COL8A1: variants seen among roughly 807,000 people sequenced by gnomAD.
COL8A1 encodes collagen alpha-1(VIII) chain.
A neutral mutation model predicts 42.7 loss-of-function variants in COL8A1; 21 were observed. The observed-to-expected ratio is 0.49, with a 90% CI of 0.35 to 0.71. The LOEUF (loss-of-function observed/expected upper bound fraction) is 0.71, where lower values mean the gene tolerates loss of function less well. Among genes scored for constraint, COL8A1 ranks in the 30% least tolerant of loss-of-function variants. The probability of loss-of-function intolerance (pLI) is 0.01; values close to 1 mark genes in which losing one functional copy is unlikely to be tolerated. For synonymous variants in COL8A1, 367 were observed against 369.1 expected, an observed-to-expected ratio of 0.99 and a Z score of 0.06; for missense variants, 788 against 962.4, an observed-to-expected ratio of 0.82 and a Z score of 2.40.
chr3:99,716,076 G>A (rs901168678), intron 1 of COL8A1, among the ~76,000 whole-genome samples: 4 of 151,988 alleles, frequency 2.6e-5, no homozygotes, highest in Admixed American at 6.6e-5. Flanking sequence ...CAAACTGATT[G>A]CTATGTGATA....
chr3:99,724,136 C>T (rs1343813650), intron 1 of COL8A1, among the ~76,000 whole-genome samples: 1 of 152,084 alleles, frequency 6.6e-6, no homozygotes. Flanking sequence ...TCTGACATGA[C>T]TGGATGCTCA....
At chr3:99,669,149 AGG>A (rs1182261777) in intron 1 of COL8A1, among the ~76,000 whole-genome samples, 4,297 of 112,564 alleles carry the variant, frequency 0.038, 119 homozygotes, top group East Asian at 0.065. Flanking sequence ...ATATATATAG[AGG>A]GAGAGAGAGA....
intron 3 of COL8A1, among the ~76,000 whole-genome samples, chr3:99,792,876 A>T (rs1375099197): frequency 6.6e-6 from 1 of 152,250 alleles, no homozygotes; most frequent in Admixed American, 6.5e-5. Flanking sequence ...AAATCTACTA[A>T]TTCTAAAGGA....
At chr3:99,658,514 G>C (rs1428335085) in intron 1 of COL8A1, among the ~76,000 whole-genome samples, 1 of 152,060 alleles carries the variant, frequency 6.6e-6, no homozygotes, top group African/African-American at 2.4e-5. Flanking sequence ...TTAACTAACT[G>C]TCTCCATGGC....
chr3:99,648,874 C>T (rs1937743736), intron 1 of COL8A1, among the ~76,000 whole-genome samples: 2 of 152,054 alleles, frequency 1.3e-5, no homozygotes, highest in Non-Finnish European at 1.5e-5. Context: ...ATGAGAGTCA[C>T]CTAGGAAAAT....
chr3:99,725,151 A>G (rs1940268515), intron 1 of COL8A1, among the ~76,000 whole-genome samples: 1 of 152,036 alleles, frequency 6.6e-6, no homozygotes, highest in South Asian at 2.1e-4. Flanking sequence ...CTGGAAATCA[A>G]ATTTTACCTT....
intron 1 of COL8A1, among the ~76,000 whole-genome samples, chr3:99,690,350 G>A (rs958682671): frequency 2.6e-5 from 4 of 152,132 alleles, no homozygotes; most frequent in African/African-American, 7.2e-5. Context: ...TTCTCTAAGA[G>A]CATTTCATGA....
At chr3:99,654,150 TGAA>T (rs1937940083) in intron 1 of COL8A1, among the ~76,000 whole-genome samples, 1 of 152,256 alleles carries the variant, frequency 6.6e-6, no homozygotes, top group East Asian at 1.9e-4. Context: ...AGGAGAAAAA[TGAA>T]GACCGGCAGA....
At chr3:99,735,219 G>A (rs898745662) in intron 1 of COL8A1, among the ~76,000 whole-genome samples, 2 of 142,290 alleles carry the variant, frequency 1.4e-5, no homozygotes, top group East Asian at 4.1e-4. Context: ...GGGCATCCCT[G>A]TCTTGTGCCA....
At chr3:99,762,471 T>A (rs1425809548) in intron 2 of COL8A1, among the ~76,000 whole-genome samples, 1 of 152,238 alleles carries the variant, frequency 6.6e-6, no homozygotes, top group South Asian at 2.1e-4. Flanking sequence ...AAAGTTCAAA[T>A]TTTCAGACTC....
intron 2 of COL8A1, among the ~76,000 whole-genome samples, chr3:99,773,830 TATATATA>T (rs1471945593): frequency 1.3e-5 from 1 of 75,228 alleles, no homozygotes; most frequent in Admixed American, 1.3e-4. Context: ...TATATATATA[TATATATA>T]TTTTTTTTTT....
intron 1 of COL8A1, among the ~76,000 whole-genome samples, chr3:99,666,292 T>C (rs907225993): frequency 4.6e-5 from 7 of 152,236 alleles, no homozygotes; most frequent in African/African-American, 1.7e-4. Context: ...AACTGTTTGA[T>C]AATGAGACAG....
At chr3:99,670,456 A>G (rs1488273872) in intron 1 of COL8A1, among the ~76,000 whole-genome samples, 1 of 152,072 alleles carries the variant, frequency 6.6e-6, no homozygotes, top group Non-Finnish European at 1.5e-5. Context: ...GAGCCTGTAA[A>G]GATACCCTTT....
At chr3:99,750,049 C>CTTTTTTTTTTTTTTTTTTTTT (rs1176042144) in intron 2 of COL8A1, among the ~76,000 whole-genome samples, 168 of 65,936 alleles carry the variant, frequency 2.5e-3, no homozygotes, top group Middle Eastern at 0.02. Context: ...TTTTTTTCTT[C>CTTTTTTTTTTTTTTTTTTTTT]TTTTTTTTTT....
At chr3:99,712,292 A>AT (rs1939858994) in intron 1 of COL8A1, among the ~76,000 whole-genome samples, 1 of 152,242 alleles carries the variant, frequency 6.6e-6, no homozygotes, top group African/African-American at 2.4e-5. Flanking sequence ...AGAAGATGGC[A>AT]TTTTTGTGAA....
At chr3:99,690,433 G>T (rs1035899387) in intron 1 of COL8A1, among the ~76,000 whole-genome samples, 1 of 151,286 alleles carries the variant, frequency 6.6e-6, no homozygotes, top group African/African-American at 2.5e-5. Context: ...ATTTTCCTCA[G>T]ATGAAGGTGG....
intron 2 of COL8A1, among the ~76,000 whole-genome samples, chr3:99,774,245 T>C (rs781121136): frequency 2.6e-5 from 4 of 151,424 alleles, no homozygotes; most frequent in Middle Eastern, 6.8e-3. Context: ...AGTAAGAATC[T>C]AGTATGGTTC....
intron 1 of COL8A1, among the ~76,000 whole-genome samples, chr3:99,733,894 G>A (rs1322692912): frequency 2.6e-5 from 4 of 152,070 alleles, no homozygotes; most frequent in African/African-American, 9.7e-5. Flanking sequence ...TTTCTCTGAT[G>A]GCCAGTGATG....
At position 99,795,731 on chromosome 3, in the gene COL8A1, G is replaced by A. The variant is rs775994874; in HGVS notation, c.1830G>A (p.Gly610=). Residue 610 remains glycine (G), a synonymous_variant, in exon 4 of 4, where the codon GGG becomes GGA. Transcript: ENST00000652472. ...GGGCTAAGAAAGGCAAGAATGGAGG[G>A]CCAGCCTATGAGATGCCTGCATTTA... ...AYGAKKGKNG[G]PAYEMPAFTA... 3 of 1,613,776 alleles carry A rather than the reference G, an allele frequency of 1.9e-6. No homozygotes were observed. Among genetic ancestry groups the A allele is most frequent in the African/African-American group, 1.3e-5 (1 of 74,896 alleles).
Sources: gnomAD v4.1 joint callset for allele counts (sites outside exome capture counted in the v4.1 genomes callset) on GRCh38, gnomAD v4.1.1 for gene constraint, MANE v1.5 for transcripts, NCBI Gene and HGNC (gene_info 2026-07-23, HGNC 2026-07-21) for gene names.